MGMT: variants seen among roughly 807,000 people sequenced by gnomAD.
The protein encoded by MGMT is O-6-methylguanine-DNA methyltransferase, also known as methylated-DNA--protein-cysteine methyltransferase.
In MGMT, 14 loss-of-function variants were observed where a neutral mutation model predicts 15.9. The observed-to-expected ratio is 0.88, with a 90% CI of 0.58 to 1.37. The LOEUF is 1.37. Among genes scored for constraint, MGMT ranks in the 40% most tolerant of loss-of-function variants. MGMT has a pLI of 0.00. For missense variants in MGMT, 282 were observed against 268.1 expected, an observed-to-expected ratio of 1.05 and a Z score of -0.36; for synonymous variants, 130 against 118.2, an observed-to-expected ratio of 1.10 and a Z score of -0.65.
chr10:129,585,869 T>A (rs1846612428), intron 2 of MGMT, among the ~76,000 whole-genome samples: 1 of 152,102 alleles, frequency 6.6e-6, no homozygotes, highest in African/African-American at 2.4e-5. Flanking sequence ...ATGGAACCAT[T>A]ATAACAACAT....
intron 2 of MGMT, among the ~76,000 whole-genome samples, chr10:129,664,981 CG>C (rs1405449878): frequency 6.6e-6 from 1 of 152,046 alleles, no homozygotes; most frequent in Non-Finnish European, 1.5e-5. Context: ...GAGTCCATTG[CG>C]GGGGAAAATG....
intron 2 of MGMT, among the ~76,000 whole-genome samples, chr10:129,680,418 C>T (rs891902795): frequency 6.6e-6 from 1 of 152,174 alleles, no homozygotes; most frequent in Non-Finnish European, 1.5e-5. Flanking sequence ...AAACCACCTT[C>T]TCCTAGGCAT....
chr10:129,715,954 A>C (rs918334700), intron 3 of MGMT, among the ~76,000 whole-genome samples: 1 of 152,144 alleles, frequency 6.6e-6, no homozygotes, highest in African/African-American at 2.4e-5. Flanking sequence ...ATTTACGTAG[A>C]GGGAACTCCT....
chr10:129,542,389 A>G (rs1846051875), intron 2 of MGMT, among the ~76,000 whole-genome samples: 2 of 152,092 alleles, frequency 1.3e-5, no homozygotes, highest in African/African-American at 4.8e-5. Flanking sequence ...GAACTTCACG[A>G]ATTCGTTTTT....
At chr10:129,520,785 C>A (rs889070260) in intron 1 of MGMT, among the ~76,000 whole-genome samples, 2 of 150,334 alleles carry the variant, frequency 1.3e-5, no homozygotes, top group Non-Finnish European at 3.0e-5. Flanking sequence ...GCCTGCAGAG[C>A]CCCTATGGTG....
Position 129,745,330 on chromosome 10 carries a change from C to T in MGMT, c.275-13872C>T, listed in dbSNP as rs746840877. On this transcript the variant is annotated intron_variant, in intron 3 of 4. Transcript: ENST00000651593. ...CGCGTGTGTGTGTTTCTGTAACCAC[C>T]CCCAAAATCAGGGTGCAGAGGAGTT... is the stretch of plus-strand genomic sequence containing the variant. Among the ~76,000 whole-genome samples, 2 of 151,968 alleles carry T rather than the reference C, an allele frequency of 1.3e-5. 1 individual carries two copies. Among genetic ancestry groups the T allele is most frequent in the Admixed American group, 1.3e-4 (2 of 15,266 alleles).
intron 3 of MGMT, among the ~76,000 whole-genome samples, chr10:129,724,226 GAC>G (rs766612786): frequency 6.6e-6 from 1 of 152,146 alleles, no homozygotes; most frequent in Non-Finnish European, 1.5e-5. Flanking sequence ...ATAATCCACA[GAC>G]ACACACAGCC....
chr10:129,763,182 C>T (rs1352504899), intron 4 of MGMT, among the ~76,000 whole-genome samples: 1 of 152,102 alleles, frequency 6.6e-6, no homozygotes, highest in Non-Finnish European at 1.5e-5. Flanking sequence ...ATGAAGATTT[C>T]AATGCAGCTG....
intron 2 of MGMT, among the ~76,000 whole-genome samples, chr10:129,580,792 A>G (rs1846544420): frequency 6.6e-6 from 1 of 152,188 alleles, no homozygotes; most frequent in Non-Finnish European, 1.5e-5. Context: ...TGGGCAGCTC[A>G]AGGCAGCAAG....
chr10:129,524,731 A>G (rs1466331285), intron 1 of MGMT, among the ~76,000 whole-genome samples: 4 of 151,744 alleles, frequency 2.6e-5, no homozygotes, highest in Admixed American at 6.6e-5. Flanking sequence ...AGCTGGGACT[A>G]CAGACGCCTG....
intron 2 of MGMT, among the ~76,000 whole-genome samples, chr10:129,615,283 C>T (rs546071147): frequency 2.6e-5 from 4 of 152,304 alleles, no homozygotes; most frequent in African/African-American, 7.2e-5. Flanking sequence ...CCTCCCCTGA[C>T]GTGCCCCTGC....
rs755532163 is a variant in MGMT, at chr10:129,556,089, A to G, written c.125+19712A>G. The stretch of plus-strand genomic sequence containing the variant: ...TGTGTCTCCTCAGTTTACAGAGTCC[A>G]TGTTTTTGGTGACTCTTGCCTTGGA... On this transcript the variant is annotated intron_variant, in intron 2 of 4. Coordinates refer to ENST00000651593, the MANE Select transcript of MGMT (RefSeq NM_002412.5). This position sits in a 1 kb window ranked among gnomAD's most constrained non-coding sequence, Gnocchi z 4.3. 6.6e-6 allele frequency among the ~76,000 whole-genome samples: 1 copy of G among 152,140 alleles called. No individual in the cohort carries two copies. Among genetic ancestry groups the G allele is most frequent in the East Asian group, 1.9e-4 (1 of 5,182 alleles).
chr10:129,673,222 G>T (rs1459210260), intron 2 of MGMT, among the ~76,000 whole-genome samples: 1 of 152,034 alleles, frequency 6.6e-6, no homozygotes, highest in African/African-American at 2.4e-5. Flanking sequence ...GCCCAAAATT[G>T]TCGCTGTCTG....
At chr10:129,744,907 C>G (rs992010377) in intron 3 of MGMT, among the ~76,000 whole-genome samples, 2 of 152,196 alleles carry the variant, frequency 1.3e-5, no homozygotes, top group African/African-American at 2.4e-5. Context: ...AGGCTCCATG[C>G]TGACACCACC....
chr10:129,602,609 T>C (rs769502077), intron 2 of MGMT, among the ~76,000 whole-genome samples: 14 of 152,136 alleles, frequency 9.2e-5, no homozygotes, highest in Non-Finnish European at 1.6e-4. Context: ...TCCTTTCGGC[T>C]TCAGGTAACT....
intron 1 of MGMT, among the ~76,000 whole-genome samples, chr10:129,481,189 C>T (rs1209525663): frequency 6.6e-6 from 1 of 152,190 alleles, no homozygotes; most frequent in Admixed American, 6.5e-5. Context: ...TGTGGTCAGC[C>T]ATAGTTTGTG....
chr10:129,608,151 G>T (rs1589891325), intron 2 of MGMT, among the ~76,000 whole-genome samples: 2 of 152,188 alleles, frequency 1.3e-5, no homozygotes, highest in South Asian at 4.1e-4. Context: ...AAAAAAAACG[G>T]GGTTGCCACG....
At chr10:129,654,478 A>G (rs948513270) in intron 2 of MGMT, among the ~76,000 whole-genome samples, 3 of 152,172 alleles carry the variant, frequency 2.0e-5, no homozygotes, top group Admixed American at 6.5e-5. Context: ...GTGGACAGAA[A>G]TCACATACCC....
At chr10:129,765,744 C>G (rs1411865297) in intron 4 of MGMT, among the ~76,000 whole-genome samples, 1 of 152,270 alleles carries the variant, frequency 6.6e-6, no homozygotes, top group Middle Eastern at 3.4e-3. Flanking sequence ...TGCAGGAGCC[C>G]TAACAGTGCT....
Sources: gnomAD v4.1 joint callset for allele counts (sites outside exome capture counted in the v4.1 genomes callset) on GRCh38, gnomAD v4.1.1 for gene constraint, Gnocchi (gnomAD v3.1) non-coding constraint, MANE v1.5 for transcripts, NCBI Gene and HGNC (gene_info 2026-07-23, HGNC 2026-07-21) for gene names.